Variants in LYPD6 observed in about 807,000 individuals in gnomAD.
LYPD6 encodes the protein ly6/PLAUR domain-containing protein 6.
In LYPD6, 15 loss-of-function variants were observed where a neutral mutation model predicts 22.7. That is an observed-to-expected ratio of 0.66 (90% CI 0.44 to 1.02). The LOEUF is 1.02. LYPD6 is among the 50% of genes least tolerant of loss of function. The probability of loss-of-function intolerance (pLI) is 0.00; values close to 1 mark genes in which losing one functional copy is unlikely to be tolerated. For synonymous variants in LYPD6, 72 were observed against 77.5 expected, an observed-to-expected ratio of 0.93 and a Z score of 0.37; for missense variants, 189 against 208.4, an observed-to-expected ratio of 0.91 and a Z score of 0.57.
intron 4 of LYPD6, among the ~76,000 whole-genome samples, chr2:149,469,678 C>A (rs1558819363): frequency 6.6e-6 from 1 of 152,172 alleles, no homozygotes. Context: ...AAACCAAAGG[C>A]TTTCCCTGAC....
At chr2:149,366,289 C>T (rs1478558119) in intron 1 of LYPD6, among the ~76,000 whole-genome samples, 2 of 152,164 alleles carry the variant, frequency 1.3e-5, no homozygotes, top group East Asian at 1.9e-4. Flanking sequence ...CAGTTACCTA[C>T]ATTTTTACTT....
intron 1 of LYPD6, among the ~76,000 whole-genome samples, chr2:149,361,005 T>C (rs1427815270): frequency 6.6e-6 from 1 of 152,196 alleles, no homozygotes; most frequent in African/African-American, 2.4e-5. Context: ...CTCTGTTCTT[T>C]ATAGTTCTTA....
the LYPD6 span, among the ~76,000 whole-genome samples, chr2:149,483,319 A>G: frequency 1.3e-5 from 2 of 152,222 alleles, no homozygotes; most frequent in Admixed American, 1.3e-4. Context: ...GAGGAAAAAA[A>G]GATGCTGAAA....
downstream of LYPD6, among the ~76,000 whole-genome samples, chr2:149,476,788 A>G (rs1573840446): frequency 6.6e-6 from 1 of 152,318 alleles, no homozygotes; most frequent in African/African-American, 2.4e-5. Context: ...GTCTGAGCAC[A>G]TGCCATCCGC....
intron 1 of LYPD6, among the ~76,000 whole-genome samples, chr2:149,407,589 C>T (rs1682748312): frequency 6.6e-6 from 1 of 152,196 alleles, no homozygotes; most frequent in African/African-American, 2.4e-5. Context: ...TCCATCAGCT[C>T]CTTTAAGCAC....
chr2:149,434,777 G>C (rs1004479522), intron 1 of LYPD6, among the ~76,000 whole-genome samples: 1 of 152,160 alleles, frequency 6.6e-6, no homozygotes, highest in African/African-American at 2.4e-5. Context: ...GCAAGTTCCT[G>C]TCCTGAGGAG....
chr2:149,350,987 C>G (rs1195613441), intron 1 of LYPD6, among the ~76,000 whole-genome samples: 1 of 152,178 alleles, frequency 6.6e-6, no homozygotes, highest in Non-Finnish European at 1.5e-5. Context: ...TGAAATGCCT[C>G]CCTCTTGTCC....
chr2:149,403,782 G>C (rs1440189712), intron 1 of LYPD6, among the ~76,000 whole-genome samples: 2 of 152,034 alleles, frequency 1.3e-5, no homozygotes, highest in Non-Finnish European at 2.9e-5. Context: ...ATTGCTTTTG[G>C]TGTTTTAGAC....
At position 149,426,022 on chromosome 2, in the gene LYPD6, A is replaced by T. The variant is rs374622291; in HGVS notation, c.-71-11616A>T. On this transcript the variant is annotated intron_variant, in intron 1 of 4. Coordinates refer to ENST00000334166, the MANE Select transcript of LYPD6 (RefSeq NM_194317.5). ...TTTAAAACATTCATTATCAAGTGAG[A>T]AATATTGGTTAAGATTTAGAAGTTG... Among the ~76,000 whole-genome samples the T allele has an allele frequency of 8.5e-4, 130 of 152,340 alleles. No individual in the cohort carries two copies. The South Asian group carries it at 0.01, about 12-fold the overall frequency.
chr2:149,342,805 C>G (rs1681186939), intron 1 of LYPD6, among the ~76,000 whole-genome samples: 1 of 152,176 alleles, frequency 6.6e-6, no homozygotes, highest in Admixed American at 6.5e-5. Context: ...GTGGCCAGAT[C>G]AGCATCAGCT....
downstream of LYPD6, among the ~76,000 whole-genome samples, chr2:149,478,883 A>T (rs567364499): frequency 9.4e-4 from 143 of 152,240 alleles, no homozygotes; most frequent in Non-Finnish European, 1.9e-3. Context: ...TCCCACCCAC[A>T]TTCACACATC....
At chr2:149,379,308 G>C (rs1344143127) in intron 1 of LYPD6, among the ~76,000 whole-genome samples, 1 of 152,150 alleles carries the variant, frequency 6.6e-6, no homozygotes, top group African/African-American at 2.4e-5. Flanking sequence ...AAACCACTAG[G>C]ATCTGTGCAT....
At chr2:149,332,666 C>T (rs1277428964) in intron 1 of LYPD6, among the ~76,000 whole-genome samples, 2 of 152,190 alleles carry the variant, frequency 1.3e-5, no homozygotes, top group African/African-American at 4.8e-5. Context: ...TTCCTTCCTT[C>T]CTTTTTGGTG....
At chr2:149,368,920 C>G (rs1681741319) in intron 1 of LYPD6, among the ~76,000 whole-genome samples, 1 of 152,040 alleles carries the variant, frequency 6.6e-6, no homozygotes, top group Non-Finnish European at 1.5e-5. Flanking sequence ...ACTCGCCAGT[C>G]TACAAAATAT....
chr2:149,382,613 A>G (rs1682091499), intron 1 of LYPD6, among the ~76,000 whole-genome samples: 1 of 152,150 alleles, frequency 6.6e-6, no homozygotes, highest in Non-Finnish European at 1.5e-5. Flanking sequence ...TCTCTATACC[A>G]TAAATCACTG....
At chr2:149,477,540 T>C (rs962668173), downstream of LYPD6, among the ~76,000 whole-genome samples, 3 of 147,328 alleles carry the variant, frequency 2.0e-5, no homozygotes, top group East Asian at 6.0e-4. Flanking sequence ...GGAGAATCGC[T>C]TGAATCTGGG....
At chr2:149,408,962 CT>C (rs2105119803) in intron 1 of LYPD6, among the ~76,000 whole-genome samples, 1 of 152,226 alleles carries the variant, frequency 6.6e-6, no homozygotes, top group Non-Finnish European at 1.5e-5. Context: ...CTGGTATGAT[CT>C]TTTGGGGGTG....
downstream of LYPD6, chr2:149,474,169 C>G (rs1049951907): frequency 1.3e-5 from 2 of 151,900 alleles, no homozygotes; most frequent in African/African-American, 4.8e-5. Context: ...TTTGTGATTC[C>G]TGATTATTCT....
intron 1 of LYPD6, among the ~76,000 whole-genome samples, chr2:149,337,529 C>T (rs1681060687): frequency 6.6e-6 from 1 of 152,052 alleles, no homozygotes; most frequent in South Asian, 2.1e-4. Context: ...CTTTCCTTGG[C>T]TCTGGATTTT....
Sources: allele counts gnomAD v4.1 joint callset (sites outside exome capture counted in the v4.1 genomes callset), GRCh38; gene constraint gnomAD v4.1.1; transcripts MANE v1.5; gene names NCBI Gene and HGNC (gene_info 2026-07-23, HGNC 2026-07-21).